Variants in DUOXA2 observed in about 807,000 individuals in gnomAD.
DUOXA2 encodes dual oxidase maturation factor 2.
DUOXA2 carries 22 observed loss-of-function variants against 27.6 expected under a neutral mutation model. That is an observed-to-expected ratio of 0.80 (90% CI 0.57 to 1.14). The LOEUF (loss-of-function observed/expected upper bound fraction) is 1.14, where lower values mean the gene tolerates loss of function less well. Ranked by LOEUF, DUOXA2 falls within the 50% of genes most tolerant of loss-of-function variation. The pLI, the probability that DUOXA2 is intolerant of heterozygous loss-of-function variation, is 0.00. For synonymous variants in DUOXA2, 188 were observed against 184.4 expected, an observed-to-expected ratio of 1.02 and a Z score of -0.16; for missense variants, 481 against 419.9, an observed-to-expected ratio of 1.15 and a Z score of -1.27.
Position 45,117,899 on chromosome 15 carries a change from C to CT in DUOXA2, c.954dup (p.Asn319Ter). The CT allele has an allele frequency of 6.2e-7, 1 of 1,613,418 alleles. No homozygotes were observed. Among genetic ancestry groups the CT allele is most frequent in the Non-Finnish European group, 8.5e-7 (1 of 1,180,046 alleles). ...CTCCCAGACTTAAAATGTATCACCA[C>CT]TAACCTGTGAGGGGGACCCAATCTG... is the stretch of plus-strand genomic sequence containing the variant. On this transcript the variant is annotated frameshift_variant, in exon 6 of 6. Transcript: ENST00000323030. LOFTEE classifies it high-confidence loss of function.
At chr15:45,117,567 T>C (rs1894727064) in intron 5 of DUOXA2, 149 bp from the exon 6 acceptor site, 12 of 1,596,820 alleles carry the variant, frequency 7.5e-6, no homozygotes, top group Admixed American at 1.7e-5. Context: ...CTCCAAAAGA[T>C]GGAAGAAGGC....
chr15:45,114,849 C>G, intron 1 of DUOXA2, 97 bp downstream of exon 1: 1 of 1,565,946 alleles, frequency 6.4e-7, no homozygotes, highest in Non-Finnish European at 8.8e-7. Context: ...ACAAGAGCCT[C>G]CATGAATAGT....
intron 3 of DUOXA2, 86 bp from the exon 4 acceptor site, chr15:45,116,430 G>T (rs918240085): frequency 5.0e-5 from 78 of 1,568,522 alleles, no homozygotes; most frequent in Non-Finnish European, 6.4e-5. Flanking sequence ...CGCCGAGAGC[G>T]CCACACCCCC....
rs934305169 is a variant in DUOXA2, at chr15:45,118,374, G to C, written c.*465G>C. 6.3e-6 allele frequency: 7 copies of C among 1,112,392 alleles called. No homozygotes were observed. The African/African-American group carries it at 8.1e-5, about 13-fold the overall frequency. The allele number at this position is 1,112,392 out of a possible 1,614,324, so 68.9% of individuals were successfully genotyped here. ...CCCCGTCCTGGATGCCACTCAGCTA[G>C]CCCAGCTGAGTGGGGTGGGAAGGAA... On this transcript the variant is annotated 3_prime_UTR_variant, in exon 6 of 6. Transcript: ENST00000323030.
intron 2 of DUOXA2, 42 bp downstream of exon 2, chr15:45,115,898 G>A: frequency 2.5e-6 from 4 of 1,613,846 alleles, no homozygotes; most frequent in Non-Finnish European, 3.4e-6. Context: ...ACGGGGTGAG[G>A]AAGGAGGTGG....
Position 45,117,133 on chromosome 15 carries a change from C to G in DUOXA2, c.597C>G (p.Ser199=). The G allele has an allele frequency of 6.2e-7, 1 of 1,601,472 alleles. No homozygotes were observed. The highest frequency in any genetic ancestry group is 8.5e-7 in the Non-Finnish European group (1 of 1,179,904). Reference sequence around the variant, plus strand: ...GGCTCCTCTCCAACGTGCTGCTCTCCACGCCGGCCCCGCTCTACGGAGGCC... The same window carrying G: ...GGCTCCTCTCCAACGTGCTGCTCTCGACGCCGGCCCCGCTCTACGGAGGCC... The part of the protein sequence containing the change: ...CFWLLSNVLL[S]TPAPLYGGLA... The change falls in exon 5 of 6, where the codon TCC becomes TCG. Residue 199 remains serine, a synonymous_variant. Coordinates refer to ENST00000323030, the MANE Select transcript of DUOXA2 (RefSeq NM_207581.4).
Position 45,117,308 on chromosome 15 carries a change from G to A in DUOXA2, c.769+3G>A. On this transcript the variant is annotated splice_donor_region_variant and intron_variant, in intron 5 of 5. Transcript: ENST00000323030. The stretch of plus-strand genomic sequence containing the variant: ...CTTCTGGGTCACGCTGGCAACCGGT[G>A]AGGACCGAGAGAATGGGCCCCGGGG... 6.3e-7 allele frequency: 1 copy of A among 1,587,406 alleles called. No individual in the cohort carries two copies. The highest frequency in any genetic ancestry group is 8.6e-7 in the Non-Finnish European group (1 of 1,164,606).
intron 4 of DUOXA2, 51 bp from the exon 5 acceptor site, chr15:45,117,040 C>G (rs370337214): frequency 1.9e-6 from 3 of 1,575,940 alleles, no homozygotes; most frequent in Non-Finnish European, 2.6e-6. Context: ...GTGGGAACCC[C>G]GGTGGGCTGG....
In DUOXA2 at chr15:45,118,376, C is replaced by T. The variant is rs1422853873; in HGVS notation, c.*467C>T. On this transcript the variant is annotated 3_prime_UTR_variant, in exon 6 of 6. Transcript: ENST00000323030. ...CCGTCCTGGATGCCACTCAGCTAGCCCAGCTGAGTGGGGTGGGAAGGAATA... is the reference window on the plus strand; with the variant it reads ...CCGTCCTGGATGCCACTCAGCTAGCTCAGCTGAGTGGGGTGGGAAGGAATA... 1.8e-6 allele frequency: 2 copies of T among 1,109,624 alleles called. No homozygotes were observed. The highest frequency in any genetic ancestry group is 5.5e-5 in the East Asian group (1 of 18,254). The allele number at this position is 1,109,624 out of a possible 1,614,324, so 68.7% of individuals were successfully genotyped here. A position where few individuals can be genotyped will look rare whatever the true frequency, so the allele number is the denominator to read the frequency against.
rs1894550589 is a variant in DUOXA2, at chr15:45,114,518, C to T, written c.-88C>T. Reference sequence around the variant, plus strand: ...GGTCCCAGCCTTGTACGCAAAGAGACGCCAAGGACGCGCTCTCCCGCGTCC... The same window carrying T: ...GGTCCCAGCCTTGTACGCAAAGAGATGCCAAGGACGCGCTCTCCCGCGTCC... On this transcript the variant is annotated 5_prime_UTR_variant, in exon 1 of 6. It adds an upstream start codon to the 5' untranslated region. Transcript: ENST00000323030. 1.0e-5 allele frequency: 16 copies of T among 1,565,992 alleles called. No individual in the cohort carries two copies. Among genetic ancestry groups the T allele is most frequent in the Non-Finnish European group, 1.3e-5 (15 of 1,154,448 alleles).
Position 45,116,153 on chromosome 15 carries a change from G to T in DUOXA2, c.235G>T (p.Gly79Cys). ...GCACTTCAGTGCAGAATGGTTCGTG[G>T]GTACAGTGAACACCAACACATCCTA... ...AVHFSAEWFV[G>C]TVNTNTSYKA... Residue 79 changes from glycine (G) to cysteine (C), a missense_variant, in exon 3 of 6, where the codon GGT (glycine) becomes TGT (cysteine). Gly to Cys is a radical substitution (Grantham distance 159, BLOSUM62 -3). Coordinates refer to ENST00000323030, the MANE Select transcript of DUOXA2 (RefSeq NM_207581.4). 6.2e-7 allele frequency: 1 copy of T among 1,614,064 alleles called. No individual in the cohort carries two copies. The highest frequency in any genetic ancestry group is 8.5e-7 in the Non-Finnish European group (1 of 1,180,028).
At chr15:45,115,944 G>A (rs1306037731) in intron 2 of DUOXA2, 88 bp downstream of exon 2, 7 of 1,601,686 alleles carry the variant, frequency 4.4e-6, no homozygotes, top group Non-Finnish European at 6.0e-6. Flanking sequence ...AACTGGGGTT[G>A]GTTTTCTGCT....
rs759877608 is a variant in DUOXA2, at chr15:45,117,726, C to A, written c.780C>A (p.Cys260Ter). ...FWVTLATGVL[C>*]LFLGGAVVSL... ...TCCCCACCGCCACAGGCGTCCTGTG[C>A]CTCTTCCTCGGAGGGGCCGTGGTGA... The change falls in exon 6 of 6, where the codon TGC becomes TGA. Residue 260 changes from cysteine (C) to a stop codon, truncating the protein, a stop_gained. Coordinates refer to ENST00000323030, the MANE Select transcript of DUOXA2 (RefSeq NM_207581.4). LOFTEE classifies it low-confidence loss of function (END_TRUNC). 2 of 1,613,106 alleles carry A rather than the reference C, an allele frequency of 1.2e-6. No homozygotes were observed. The highest frequency in any genetic ancestry group is 2.2e-5 in the South Asian group (2 of 91,052).
At position 45,118,361 on chromosome 15, in the gene DUOXA2, T is replaced by A; in HGVS notation, c.*452T>A. The A allele has an allele frequency of 8.7e-7, 1 of 1,143,012 alleles. No homozygotes were observed. Among genetic ancestry groups the A allele is most frequent in the Non-Finnish European group, 1.1e-6 (1 of 929,096 alleles). 70.8% of individuals were successfully genotyped at this position (1,143,012 alleles called of 1,614,324 possible). ...AGGTCACCCACTCCCCCGTCCTGGA[T>A]GCCACTCAGCTAGCCCAGCTGAGTG... On this transcript the variant is annotated 3_prime_UTR_variant, in exon 6 of 6. Transcript: ENST00000323030.
At position 45,114,716 on chromosome 15, in the gene DUOXA2, C is replaced by A. The variant is rs756508687; in HGVS notation, c.111C>A (p.Ser37Arg). ...TAGTGTTTTTGGCTCTAGCAGCAAG[C>A]TTCCTGCTCATCTTGCCGGGGATCC... Reference protein sequence around the residue: ...VILVFLALAASFLLILPGIRG... With the variant: ...VILVFLALAARFLLILPGIRG... Residue 37 changes from serine to arginine, a missense_variant, in exon 1 of 6, where the codon AGC becomes AGA. Physicochemically the swap from Ser to Arg is moderately radical, Grantham distance 110. Transcript: ENST00000323030. The A allele has an allele frequency of 1.2e-6, 2 of 1,614,118 alleles. No individual in the cohort carries two copies. Among genetic ancestry groups the A allele is most frequent in the Non-Finnish European group, 1.7e-6 (2 of 1,180,048 alleles).
rs1595539592 is a variant in DUOXA2, at chr15:45,118,243, T to C, written c.*334T>C. ...ATTCTCTGCGTCGACTCCAGAGTAA[T>C]AGGGGCGCCCTCTAGTGAGGCCGGA... On this transcript the variant is annotated 3_prime_UTR_variant, in exon 6 of 6. Transcript: ENST00000323030. 4.3e-6 allele frequency: 6 copies of C among 1,399,236 alleles called. No individual in the cohort carries two copies. The East Asian group carries it at 7.9e-5, about 18-fold the overall frequency. 86.7% of individuals were successfully genotyped at this position (1,399,236 alleles called of 1,614,324 possible). A position where few individuals can be genotyped will look rare whatever the true frequency, so the allele number is the denominator to read the frequency against.
chr15:45,116,511 C>T lies in DUOXA2; in HGVS notation c.341-5C>T, dbSNP rs756309483. 1.9e-6 allele frequency: 3 copies of T among 1,613,630 alleles called. No individual in the cohort carries two copies. Among genetic ancestry groups the T allele is most frequent in the Non-Finnish European group, 2.5e-6 (3 of 1,180,002 alleles). ...GCAGCCCCATGAGCCCGCCTCACCC[C>T]ACAGGGACCCCAGTGCATCAGCTGA... On this transcript the variant is annotated splice_region_variant and splice_polypyrimidine_tract_variant and intron_variant, in intron 3 of 5. Transcript: ENST00000323030.
In DUOXA2 at chr15:45,114,426, T is replaced by C. The variant is rs1566980089; in HGVS notation, c.-180T>C. 1.3e-6 allele frequency: 1 copy of C among 757,696 alleles called. No individual in the cohort carries two copies. The highest frequency in any genetic ancestry group is 2.4e-5 in the Admixed American group (1 of 42,448). The allele number at this position is 757,696 out of a possible 1,614,324, so 46.9% of individuals were successfully genotyped here. A position where few individuals can be genotyped will look rare whatever the true frequency, so the allele number is the denominator to read the frequency against. On this transcript the variant is annotated 5_prime_UTR_variant, in exon 1 of 6. Coordinates refer to ENST00000323030, the MANE Select transcript of DUOXA2 (RefSeq NM_207581.4). The stretch of plus-strand genomic sequence containing the variant: ...TCTGTCGGTACCAACCCCAGAGCGT[T>C]GAGAGCAGCCCACCTCCACGCTTCC...
In DUOXA2 at chr15:45,118,114, T is replaced by C. The variant is rs1894805898; in HGVS notation, c.*205T>C. The C allele has an allele frequency of 3.4e-6, 5 of 1,466,434 alleles. No homozygotes were observed. Among genetic ancestry groups the C allele is most frequent in the South Asian group, 2.8e-5 (2 of 71,316 alleles). 90.8% of individuals were successfully genotyped at this position (1,466,434 alleles called of 1,614,324 possible). Reference sequence around the variant, plus strand: ...TCTTTTGTTTTTTAAAAACTGTTTTTCCCATTAATTTTCATGGCTTCTCCG... The same window carrying C: ...TCTTTTGTTTTTTAAAAACTGTTTTCCCCATTAATTTTCATGGCTTCTCCG... On this transcript the variant is annotated 3_prime_UTR_variant, in exon 6 of 6. Coordinates refer to ENST00000323030, the MANE Select transcript of DUOXA2 (RefSeq NM_207581.4).
Sources: allele counts gnomAD v4.1 joint callset, GRCh38; gene constraint gnomAD v4.1.1; transcripts MANE v1.5; gene names NCBI Gene and HGNC (gene_info 2026-07-23, HGNC 2026-07-21).